The following CROCC2 variants were observed in gnomAD, a reference collection of about 807,000 sequenced individuals.
The protein encoded by CROCC2 is ciliary rootlet coiled-coil, rootletin family member 2.
CROCC2 carries 163 observed loss-of-function variants against 177.6 expected under a neutral mutation model. The ratio of observed to expected loss-of-function variants is 0.92; its 90% CI spans 0.81 to 1.05. CROCC2 has a LOEUF of 1.05. CROCC2 is among the 50% of genes least tolerant of loss of function. CROCC2 has a pLI of 0.00. For missense variants in CROCC2, 1,929 were observed against 1,797.8 expected (o/e 1.07, Z -1.32); for synonymous variants, 904 against 787.3 (o/e 1.15, Z -2.48).
At chr2:240,988,406 G>A (rs1455544803) in intron 28 of CROCC2, among the ~76,000 whole-genome samples, 1 of 152,216 alleles carries the variant, frequency 6.6e-6, no homozygotes, top group Admixed American at 6.5e-5. Flanking sequence ...GAGGAACACT[G>A]AGAAGGGGTT....
chr2:240,974,841 A>G (rs1400289520), intron 27 of CROCC2, among the ~76,000 whole-genome samples: 5 of 151,924 alleles, frequency 3.3e-5, no homozygotes, highest in African/African-American at 1.2e-4. Flanking sequence ...CCTTTTTACC[A>G]GTTTTCTAGA....
In CROCC2 at chr2:240,920,058, G is replaced by T. The variant is rs192897554; in HGVS notation, c.305G>T (p.Arg102Leu). 5 of 715,800 alleles carry T rather than the reference G, an allele frequency of 7.0e-6. No individual in the cohort carries two copies. Among genetic ancestry groups the T allele is most frequent in the Non-Finnish European group, 1.0e-5 (4 of 384,820 alleles). 44.3% of individuals were successfully genotyped at this position (715,800 alleles called of 1,614,324 possible). ...GAGCTCCTGCAGGAGGAGCTGACCC[G>T]GCTGGGGGACCTGCTGGCCCAGGCC... ...ENELLQEELT[R>L]LGDLLAQASA... Residue 102 changes from arginine to leucine, a missense_variant, in exon 3 of 32, where the codon CGG (arginine) becomes CTG (leucine). Physicochemically the swap from Arg to Leu is moderately radical, Grantham distance 102 (BLOSUM62 -2). Around this residue, in one of 3 missense-constraint regions of CROCC2, gnomAD observed 1,397 missense variants for 1,239.9 expected, o/e 1.13. Coordinates refer to ENST00000690015, the MANE Select transcript of CROCC2 (RefSeq NM_001351305.2).
chr2:240,956,106 G>A, intron 19 of CROCC2, 134 bp downstream of exon 19: 1 of 671,940 alleles, frequency 1.5e-6, no homozygotes, highest in South Asian at 1.8e-5. Context: ...GTTTCCCCCA[G>A]GTGCCTCCAG....
chr2:240,965,668 G>A lies in CROCC2; in HGVS notation c.3636G>A (p.Val1212=), dbSNP rs1467095696. The change falls in exon 24 of 32, where the codon GTG becomes GTA. Residue 1212 remains valine (V), a synonymous_variant. Coordinates refer to ENST00000690015, the MANE Select transcript of CROCC2 (RefSeq NM_001351305.2). ...VLGLQRKLAE[V]EAAGEAHGQR... is the part of the protein sequence containing the mutation. The stretch of plus-strand genomic sequence containing the variant: ...GATTGCAGAGGAAGTTGGCAGAGGT[G>A]GAGGCCGCAGGGGAGGCCCATGGAC... The A allele has an allele frequency of 2.8e-5, 43 of 1,550,444 alleles. No individual in the cohort carries two copies. Among genetic ancestry groups the A allele is most frequent in the Non-Finnish European group, 3.6e-5 (41 of 1,146,930 alleles).
chr2:240,932,420 T>C lies in CROCC2; in HGVS notation c.1044+6T>C. 2 of 717,412 alleles carry C rather than the reference T, an allele frequency of 2.8e-6. No individual in the cohort carries two copies. Among genetic ancestry groups the C allele is most frequent in the Non-Finnish European group, 5.2e-6 (2 of 385,056 alleles). 44.4% of individuals were successfully genotyped at this position (717,412 alleles called of 1,614,324 possible). ...GAACCGACCTGCAGAACCTGGTTGG[T>C]GGGCAGGACGGGGGTGGCTGTGTGG... On this transcript the variant is annotated splice_donor_region_variant and intron_variant, in intron 8 of 31. Transcript: ENST00000690015.
At position 240,964,603 on chromosome 2, in the gene CROCC2, A is replaced by G; in HGVS notation, c.3443A>G (p.Glu1148Gly). 1.3e-6 allele frequency: 2 copies of G among 1,549,322 alleles called. No individual in the cohort carries two copies. Among genetic ancestry groups the G allele is most frequent in the East Asian group, 4.9e-5 (2 of 40,870 alleles). ...CAGGCAGGGGGGGACGCCCGTCAGGAGCTCCGGGAACTCCACAGACAGGTA... is the reference window on the plus strand; with the variant it reads ...CAGGCAGGGGGGGACGCCCGTCAGGGGCTCCGGGAACTCCACAGACAGGTA... ...LEQAGGDARQ[E>G]LRELHRQVRT... The change falls in exon 22 of 32, where the codon GAG becomes GGG. Residue 1148 changes from glutamate to glycine, a missense_variant. Physicochemically the swap from Glu to Gly is moderately conservative, Grantham distance 98 (BLOSUM62 -2). Coordinates refer to ENST00000690015, the MANE Select transcript of CROCC2 (RefSeq NM_001351305.2).
intron 15 of CROCC2, among the ~76,000 whole-genome samples, 159 bp downstream of exon 15, chr2:240,946,412 T>C (rs962658619): frequency 6.6e-6 from 1 of 152,090 alleles, no homozygotes; most frequent in Non-Finnish European, 1.5e-5. Flanking sequence ...CACAGAGCCT[T>C]TGGGTTGGGG....
rs926970099 is a variant in CROCC2, at chr2:240,932,771, C to T, written c.1114C>T (p.Arg372Cys). The change falls in exon 9 of 32, where the codon CGC (arginine) becomes TGC (cysteine). Residue 372 changes from arginine (R) to cysteine (C), a missense_variant. Arg to Cys is a radical substitution (Grantham distance 180, BLOSUM62 -3). Coordinates refer to ENST00000690015, the MANE Select transcript of CROCC2 (RefSeq NM_001351305.2). ...CATCACTGAATTGGGGGAGCCACGG[C>T]GCCCACTGAGGAGCCCCCAACGTGC... The part of the protein sequence containing the change: ...SSITELGEPR[R>C]PLRSPQRATS... 8.8e-5 allele frequency: 113 copies of T among 1,288,930 alleles called. No individual in the cohort carries two copies. The East Asian group carries it at 2.3e-3, about 27-fold the overall frequency. 79.8% of individuals were successfully genotyped at this position (1,288,930 alleles called of 1,614,324 possible).
intron 28 of CROCC2, among the ~76,000 whole-genome samples, chr2:240,986,337 C>T (rs185518219): frequency 1.6e-4 from 25 of 152,308 alleles, no homozygotes; most frequent in Admixed American, 1.6e-3. Context: ...ATCCATGGGC[C>T]CTGTTGCCCA....
At chr2:240,961,905 G>A (rs2059641440) in intron 20 of CROCC2, among the ~76,000 whole-genome samples, 1 of 138,928 alleles carries the variant, frequency 7.2e-6, no homozygotes, top group Admixed American at 7.4e-5. Context: ...CACACACGTA[G>A]TGCATGCACA....
chr2:240,964,443 C>T (rs1467262958), intron 21 of CROCC2, 23 bp from the exon 22 acceptor site: 2 of 1,548,210 alleles, frequency 1.3e-6, no homozygotes, highest in Non-Finnish European at 1.7e-6. Context: ...TGCGGGGGCC[C>T]CAGCCTGTGG....
In CROCC2 at chr2:240,932,694, C is replaced by G. The variant is rs951613845; in HGVS notation, c.1045-8C>G. ...GCCCCTCTATCCCTTCCTCTCTGCA[C>G]CTTGAAGGTGGCCCAGGAGGACGCC... On this transcript the variant is annotated splice_polypyrimidine_tract_variant and splice_region_variant and intron_variant, in intron 8 of 31. Coordinates refer to ENST00000690015, the MANE Select transcript of CROCC2 (RefSeq NM_001351305.2). 2.7e-6 allele frequency: 2 copies of G among 739,228 alleles called. No individual in the cohort carries two copies. Among genetic ancestry groups the G allele is most frequent in the Non-Finnish European group, 4.9e-6 (2 of 405,070 alleles). The allele number at this position is 739,228 out of a possible 1,614,324, so 45.8% of individuals were successfully genotyped here.
At chr2:240,981,683 G>T (rs2106489824) in intron 27 of CROCC2, 1 of 152,248 alleles carries the variant, frequency 6.6e-6, no homozygotes, top group South Asian at 2.1e-4. Context: ...GAAGGGTGAA[G>T]CATCACAGTC....
At chr2:240,984,588 G>A (rs1574798511) in intron 28 of CROCC2, among the ~76,000 whole-genome samples, 1 of 55,612 alleles carries the variant, frequency 1.8e-5, no homozygotes, top group Non-Finnish European at 3.3e-5. Context: ...CACACACCCA[G>A]GCACTCACTC....
intron 1 of CROCC2, among the ~76,000 whole-genome samples, chr2:240,914,099 T>C (rs766940020): frequency 1.1e-4 from 17 of 152,232 alleles, no homozygotes; most frequent in Non-Finnish European, 2.4e-4. Context: ...CTTGGTTCCC[T>C]GCCCTTTGCT....
intron 30 of CROCC2, 27 bp downstream of exon 30, chr2:240,989,860 G>A: frequency 2.0e-6 from 3 of 1,518,676 alleles, no homozygotes; most frequent in Non-Finnish European, 2.7e-6. Context: ...AGCCCCCTGG[G>A]TGAGGGAAGA....
At chr2:240,921,717 C>G (rs1359360551) in intron 3 of CROCC2, among the ~76,000 whole-genome samples, 1 of 152,306 alleles carries the variant, frequency 6.6e-6, no homozygotes, top group East Asian at 1.9e-4. Context: ...TGGGGTGGCA[C>G]CCCCAGACCC....
intron 1 of CROCC2, 105 bp downstream of exon 1, chr2:240,906,696 G>C (rs2059256128): frequency 2.5e-6 from 1 of 398,126 alleles, no homozygotes; most frequent in Non-Finnish European, 4.4e-6. Flanking sequence ...CACCTTCCTG[G>C]CTCCCGGGGC....
At chr2:240,976,104 C>T (rs1054418880) in intron 27 of CROCC2, among the ~76,000 whole-genome samples, 1 of 152,270 alleles carries the variant, frequency 6.6e-6, no homozygotes, top group African/African-American at 2.4e-5. Flanking sequence ...GAGACTGACA[C>T]TGCAGCCCCA....
Sources: gnomAD v4.1 joint callset for allele counts (sites outside exome capture counted in the v4.1 genomes callset) on GRCh38, gnomAD v4.1.1 for gene constraint, gnomAD v4.1.1 regional missense constraint, MANE v1.5 for transcripts, NCBI Gene and HGNC (gene_info 2026-07-23, HGNC 2026-07-21) for gene names.